The following SNAP25 variants were observed in gnomAD, a reference collection of about 807,000 sequenced individuals.
The protein encoded by SNAP25 is synaptosome associated protein 25.
In SNAP25, 3 loss-of-function variants were observed where a neutral mutation model predicts 28.7. The ratio of observed to expected loss-of-function variants is 0.10; its 90% confidence interval spans 0.05 to 0.27. SNAP25 has a LOEUF of 0.27. SNAP25 is among the 10% of genes least tolerant of loss of function. The pLI is 1.00. For synonymous variants in SNAP25, 61 were observed against 88.1 expected, an observed-to-expected ratio of 0.69 and a Z score of 1.72; for missense variants, 117 against 278.7, an observed-to-expected ratio of 0.42 and a Z score of 4.13.
chr20:10,306,165 C>G lies in SNAP25; in HGVS notation c.589C>G (p.Gln197Glu). ...SNKTRIDEAN[Q>E]RATKMLGSG ...CAAAACCAGAATTGATGAGGCCAAC[C>G]AACGTGCAACAAAGATGCTGGGAAG... is the stretch of plus-strand genomic sequence containing the variant. Residue 197 changes from glutamine to glutamate, a missense_variant, in exon 8 of 8, where the codon CAA (glutamine) becomes GAA (glutamate). Around this residue, in one of 3 missense-constraint regions of SNAP25, gnomAD observed 88 missense variants for 206.9 expected, o/e 0.43. Transcript: ENST00000254976. 6.2e-7 allele frequency: 1 copy of G among 1,613,668 alleles called. No homozygotes were observed.
intron 3 of SNAP25, among the ~76,000 whole-genome samples, chr20:10,280,900 G>GA (rs111790997): frequency 0.15 from 22,604 of 152,070 alleles, 1,904 homozygotes; most frequent in Admixed American, 0.2. Flanking sequence ...CCCTAAAAAT[G>GA]AAAAAAATCA....
chr20:10,285,598 TA>T (rs199889368), intron 4 of SNAP25, among the ~76,000 whole-genome samples: 12 of 152,052 alleles, frequency 7.9e-5, no homozygotes, highest in East Asian at 1.9e-4. Flanking sequence ...GAGTCATGAC[TA>T]TTTTTTTTAT....
intron 1 of SNAP25, among the ~76,000 whole-genome samples, chr20:10,251,002 A>G (rs982114058): frequency 2.6e-5 from 4 of 152,144 alleles, no homozygotes; most frequent in Non-Finnish European, 4.4e-5. Context: ...ACAACGATGA[A>G]ATCACCTAAT....
At chr20:10,294,595 T>A (rs1347848024) in intron 5 of SNAP25, among the ~76,000 whole-genome samples, 1 of 152,000 alleles carries the variant, frequency 6.6e-6, no homozygotes, top group Non-Finnish European at 1.5e-5. Flanking sequence ...ACAATAAGAG[T>A]TGATCTTCAC....
chr20:10,288,081 A>C (rs924110504), intron 4 of SNAP25, among the ~76,000 whole-genome samples: 1 of 152,196 alleles, frequency 6.6e-6, no homozygotes, highest in East Asian at 1.9e-4. Context: ...AATGGGTGCA[A>C]CACACCAGCA....
chr20:10,229,142 A>G (rs1162786225), intron 1 of SNAP25, among the ~76,000 whole-genome samples: 1 of 152,146 alleles, frequency 6.6e-6, no homozygotes. Flanking sequence ...GATGATATGC[A>G]ATATGTCCTG....
chr20:10,262,396 GTGACAAA>G (rs547589275), intron 1 of SNAP25, among the ~76,000 whole-genome samples: 29 of 152,248 alleles, frequency 1.9e-4, no homozygotes, highest in African/African-American at 5.1e-4. Flanking sequence ...CCTTCCTCCT[GTGACAAA>G]TGACACCCAG....
intron 1 of SNAP25, among the ~76,000 whole-genome samples, chr20:10,274,218 G>C (rs2063647190): frequency 6.6e-6 from 1 of 152,138 alleles, no homozygotes; most frequent in African/African-American, 2.4e-5. Flanking sequence ...GATTTCAAGA[G>C]AGTAGCCAAG....
chr20:10,297,066 C>T lies in SNAP25; in HGVS notation c.407+16C>T, dbSNP rs1231740560. ...TCATCCGCAGGTGAGCCTCATGCAGCATACACTGTAGCAGTTCTCTATTGT... is the reference window on the plus strand; with the variant it reads ...TCATCCGCAGGTGAGCCTCATGCAGTATACACTGTAGCAGTTCTCTATTGT... On this transcript the variant is annotated intron_variant, in intron 6 of 7. Coordinates refer to ENST00000254976, the MANE Select transcript of SNAP25 (RefSeq NM_130811.4). 4 of 1,570,024 alleles carry T rather than the reference C, an allele frequency of 2.5e-6. No individual in the cohort carries two copies.
intron 1 of SNAP25, among the ~76,000 whole-genome samples, chr20:10,262,551 TC>T (rs2063432143): frequency 6.6e-6 from 1 of 151,968 alleles, no homozygotes; most frequent in African/African-American, 2.4e-5. Flanking sequence ...TGTTGATTCC[TC>T]TAAGTACATG....
chr20:10,282,494 G>A (rs919435796), intron 3 of SNAP25, among the ~76,000 whole-genome samples: 8 of 152,178 alleles, frequency 5.3e-5, no homozygotes, highest in African/African-American at 9.7e-5. Context: ...AATTAGTTGC[G>A]TGAATCATTC....
At chr20:10,292,430 A>G (rs2064018364) in intron 4 of SNAP25, among the ~76,000 whole-genome samples, 1 of 152,226 alleles carries the variant, frequency 6.6e-6, no homozygotes, top group Non-Finnish European at 1.5e-5. Flanking sequence ...TCCAAAGAAG[A>G]AAATGGATTC....
At chr20:10,262,740 A>G (rs1374754769) in intron 1 of SNAP25, among the ~76,000 whole-genome samples, 1 of 152,222 alleles carries the variant, frequency 6.6e-6, no homozygotes, top group East Asian at 1.9e-4. Flanking sequence ...GTGGGGACAC[A>G]AGGAAGCCAA....
chr20:10,269,948 C>T (rs2063563832), intron 1 of SNAP25, among the ~76,000 whole-genome samples: 1 of 152,204 alleles, frequency 6.6e-6, no homozygotes, highest in Non-Finnish European at 1.5e-5. Context: ...CCTTGTTTCC[C>T]ACTCTATATA....
Position 10,277,601 on chromosome 20 carries a change from A to G in SNAP25, c.73-84A>G, listed in dbSNP as rs556134242. ...GTGACAGAGACCCTTTGTGTTTCTC[A>G]AGTAAATAAAGTATTTCTGATTTTC... On this transcript the variant is annotated intron_variant, in intron 2 of 7. Transcript: ENST00000254976. 1.4e-4 allele frequency: 164 copies of G among 1,179,450 alleles called. No individual in the cohort carries two copies. The African/African-American group carries it at 2.2e-3, about 16-fold the overall frequency. 73.1% of individuals were successfully genotyped at this position (1,179,450 alleles called of 1,614,324 possible).
At chr20:10,255,462 C>G (rs2063303765) in intron 1 of SNAP25, among the ~76,000 whole-genome samples, 1 of 152,136 alleles carries the variant, frequency 6.6e-6, no homozygotes, top group Non-Finnish European at 1.5e-5. Flanking sequence ...CACACACACA[C>G]ATACACACAC....
In SNAP25 at chr20:10,303,856, A is replaced by G. The variant is rs62187167; in HGVS notation, c.553-2273A>G. Among the ~76,000 whole-genome samples, 1,431 of 152,290 alleles carry G rather than the reference A, an allele frequency of 9.4e-3. 10 individuals are homozygous for G. The highest frequency in any genetic ancestry group is 0.015 in the Non-Finnish European group (1,012 of 68,022). On this transcript the variant is annotated intron_variant, in intron 7 of 7. Coordinates refer to ENST00000254976, the MANE Select transcript of SNAP25 (RefSeq NM_130811.4). ...CAAACATAACCCAAGCAGTAAAGAG[A>G]TCAACCAAGAGATTAAAGCCAGCCA...
chr20:10,225,554 G>C (rs1389208518), intron 1 of SNAP25, among the ~76,000 whole-genome samples: 3 of 152,090 alleles, frequency 2.0e-5, no homozygotes, highest in Admixed American at 6.5e-5. Flanking sequence ...GCTTTCTTTG[G>C]TTGTGGAAAA....
chr20:10,224,824 C>G (rs950275694), intron 1 of SNAP25, among the ~76,000 whole-genome samples: 15 of 151,808 alleles, frequency 9.9e-5, no homozygotes, highest in African/African-American at 3.4e-4. Context: ...CATACTGTCT[C>G]CTACAACCTG....
Sources: allele counts gnomAD v4.1 joint callset (sites outside exome capture counted in the v4.1 genomes callset), GRCh38; gene constraint gnomAD v4.1.1; regional missense constraint gnomAD v4.1.1; transcripts MANE v1.5; gene names NCBI Gene and HGNC (gene_info 2026-07-23, HGNC 2026-07-21).